ZNF512: variants seen among roughly 807,000 people sequenced by gnomAD.
ZNF512 encodes the protein zinc finger protein 512.
A neutral mutation model predicts 77.5 loss-of-function variants in ZNF512; 25 were observed. The observed-to-expected ratio is 0.32, with a 90% confidence interval of 0.23 to 0.45. The LOEUF (loss-of-function observed/expected upper bound fraction) is 0.45, where lower values mean the gene tolerates loss of function less well. Among genes scored for constraint, ZNF512 ranks in the 20% least tolerant of loss-of-function variants. ZNF512 has a pLI of 1.00. For missense variants in ZNF512, 483 were observed against 692.6 expected (o/e 0.70, Z 3.40); for synonymous variants, 246 against 239.9 (o/e 1.03, Z -0.24).
In ZNF512 at chr2:27,610,566, ATATTTTTTTTTTTTTTTT is replaced by A. The variant is rs1277002545; in HGVS notation, c.1131+2529_1131+2546del. 7.4e-4 allele frequency among the ~76,000 whole-genome samples: 20 copies of A among 27,014 alleles called. 2 individuals are homozygous for A. The South Asian group carries it at 0.014, about 19-fold the overall frequency. 17.7% of individuals were successfully genotyped at this position (27,014 alleles called of 152,430 possible). Reference sequence around the variant, plus strand: ...TGTGTATATATATATATATATATATATATTTTTTTTTTTTTTTTTTTTTTTTTTTTTTTTGAGACAGCG... The same window carrying A: ...TGTGTATATATATATATATATATATATTTTTTTTTTTTTTTTGAGACAGCG... On this transcript the variant is annotated intron_variant, in intron 10 of 13. Transcript: ENST00000355467.
intron 2 of ZNF512, 131 bp downstream of exon 2, chr2:27,583,847 G>C: frequency 1.9e-6 from 2 of 1,052,690 alleles, no homozygotes; most frequent in Non-Finnish European, 2.7e-6. Context: ...TGTGGATTTT[G>C]AGCAGTTGAA....
chr2:27,606,618 C>T (rs1672375232), intron 9 of ZNF512, among the ~76,000 whole-genome samples: 1 of 152,192 alleles, frequency 6.6e-6, no homozygotes, highest in African/African-American at 2.4e-5. Flanking sequence ...GCCTCAGCCT[C>T]CCAAAGTTCT....
intron 2 of ZNF512, among the ~76,000 whole-genome samples, chr2:27,593,195 TACACACACACACACACACACACAC>T (rs57568574): frequency 3.5e-4 from 39 of 112,076 alleles, no homozygotes; most frequent in Admixed American, 7.4e-4. Context: ...ACCCTGTCTC[TACACACACACACACACACACACAC>T]ACACACACAC....
rs764190354 is a variant in ZNF512, at chr2:27,621,145, C to T, written c.1396-8C>T. 2.8e-5 allele frequency: 44 copies of T among 1,597,954 alleles called. No homozygotes were observed. Among genetic ancestry groups the T allele is most frequent in the Non-Finnish European group, 3.7e-5 (43 of 1,173,666 alleles). On this transcript the variant is annotated splice_polypyrimidine_tract_variant and splice_region_variant and intron_variant, in intron 13 of 13. Transcript: ENST00000355467. ...CGACTGGATGACATTTCTATTTTGC[C>T]TCTCTAGGACTGGTTCGTTGTAAAC...
chr2:27,609,884 A>T (rs63273861), intron 10 of ZNF512, among the ~76,000 whole-genome samples: 1 of 145,266 alleles, frequency 6.9e-6, no homozygotes, highest in African/African-American at 2.6e-5. Flanking sequence ...AAAAAAAAAA[A>T]TTAGCCAGGT....
intron 2 of ZNF512, among the ~76,000 whole-genome samples, chr2:27,591,781 C>T (rs1671596192): frequency 6.6e-6 from 1 of 151,266 alleles, no homozygotes; most frequent in African/African-American, 2.4e-5. Context: ...GGGCTCAGTC[C>T]CCCTGCCTTG....
rs142032146 is a variant in ZNF512 at position 27,598,245 on chromosome 2, C to T, written c.268C>T (p.His90Tyr). ...AAGAATCAAGCCAGCTGCTACTTCT[C>T]ATGTCGAAGGTATCAATATCAGTGT... Reference protein sequence around the residue: ...MRRIKPAATSHVEGSGGVSAK... With the variant: ...MRRIKPAATSYVEGSGGVSAK... Residue 90 changes from histidine to tyrosine, a missense_variant, in exon 3 of 14, where the codon CAT becomes TAT. Around this residue, in one of 2 missense-constraint regions of ZNF512, gnomAD observed 159 missense variants for 167.5 expected, o/e 0.95. Transcript: ENST00000355467. 4 of 1,612,212 alleles carry T rather than the reference C, an allele frequency of 2.5e-6. No homozygotes were observed. The highest frequency in any genetic ancestry group is 3.4e-6 in the Non-Finnish European group (4 of 1,179,218).
chr2:27,583,440 C>G lies in ZNF512; in HGVS notation c.31-218C>G. The G allele has an allele frequency of 8.3e-6, 12 of 1,446,324 alleles. 1 individual carries two copies. The highest frequency in any genetic ancestry group is 9.9e-6 in the Non-Finnish European group (11 of 1,106,282). The allele number at this position is 1,446,324 out of a possible 1,614,324, so 89.6% of individuals were successfully genotyped here. ...CTCCCTTTTAGAGCCTGGGACAGGG[C>G]TTTGAGAATGGGGGAAGACGAAGGC... is the stretch of plus-strand genomic sequence containing the variant. On this transcript the variant is annotated intron_variant, in intron 1 of 13. Transcript: ENST00000355467.
At chr2:27,593,101 CTGTAA>C (rs1382935276) in intron 2 of ZNF512, among the ~76,000 whole-genome samples, 1 of 151,052 alleles carries the variant, frequency 6.6e-6, no homozygotes, top group African/African-American at 2.4e-5. Context: ...TGGCTCATGC[CTGTAA>C]TCCCAGCAGT....
At position 27,621,559 on chromosome 2, in the gene ZNF512, G is replaced by T. The variant is rs1673124469; in HGVS notation, c.*98G>T. On this transcript the variant is annotated 3_prime_UTR_variant, in exon 14 of 14. Transcript: ENST00000355467. ...TGAGTGAAGATTCTTTCAGCTGTTT[G>T]TGTAAGGCTGTGACTTTCTCAGCTC... 2 of 1,288,700 alleles carry T rather than the reference G, an allele frequency of 1.6e-6. No homozygotes were observed. The highest frequency in any genetic ancestry group is 3.1e-5 in the South Asian group (2 of 64,594). 79.8% of individuals were successfully genotyped at this position (1,288,700 alleles called of 1,614,324 possible).
chr2:27,614,753 C>T (rs1672810600), intron 10 of ZNF512, among the ~76,000 whole-genome samples: 1 of 150,854 alleles, frequency 6.6e-6, no homozygotes, highest in Admixed American at 6.6e-5. Flanking sequence ...ACCTTTTACT[C>T]ATCTACATTT....
intron 1 of ZNF512, chr2:27,583,377 C>T: frequency 7.3e-7 from 1 of 1,372,212 alleles, no homozygotes; most frequent in Non-Finnish European, 9.6e-7. Flanking sequence ...CCTTTTACAT[C>T]CCCAATGTCT....
In ZNF512 at chr2:27,600,737, T is replaced by C; in HGVS notation, c.504T>C (p.Ser168=). ...QWYLEIVDKG[S]VSCPTCQAVG... ...ACTTAGAAATCGTTGATAAAGGCAG[T>C]GTCTCCTGCCCTACCTGCCAGGCAG... The change falls in exon 6 of 14, where the codon AGT becomes AGC. Residue 168 remains serine (S), a synonymous_variant. Transcript: ENST00000355467. 6.2e-7 allele frequency: 1 copy of C among 1,614,048 alleles called. No individual in the cohort carries two copies. Among genetic ancestry groups the C allele is most frequent in the Non-Finnish European group, 8.5e-7 (1 of 1,179,916 alleles).
chr2:27,620,872 T>C (rs1188138725), intron 13 of ZNF512, among the ~76,000 whole-genome samples: 4 of 152,212 alleles, frequency 2.6e-5, no homozygotes, highest in African/African-American at 9.7e-5. Context: ...ATGAGATTTA[T>C]ACTCAGGAGA....
At chr2:27,612,682 A>G (rs772790929) in intron 10 of ZNF512, among the ~76,000 whole-genome samples, 2 of 152,234 alleles carry the variant, frequency 1.3e-5, no homozygotes, top group Non-Finnish European at 2.9e-5. Flanking sequence ...TTCTAGTAGT[A>G]TATAAAATAG....
At chr2:27,605,482 T>C (rs1672310466) in intron 9 of ZNF512, among the ~76,000 whole-genome samples, 1 of 151,738 alleles carries the variant, frequency 6.6e-6, no homozygotes, top group Non-Finnish European at 1.5e-5. Flanking sequence ...GATTGTTGTG[T>C]TTTGTTTTTT....
At chr2:27,583,472 A>G (rs1671201828) in intron 1 of ZNF512, 186 bp from the exon 2 acceptor site, 1 of 1,463,486 alleles carries the variant, frequency 6.8e-7, no homozygotes, top group East Asian at 2.5e-5. Context: ...AGGCTCTGGT[A>G]TTGTTACCCG....
Position 27,616,262 on chromosome 2 carries a change from G to A in ZNF512, c.1234G>A (p.Gly412Ser). ...KYHRIQCPNQ[G>S]CEAVYSSVSG... Reference sequence around the variant, plus strand: ...TCATACTATTTCTTCTCTTTTGCAGGGCTGTGAGGCTGTCTACAGCAGTGT... The same window carrying A: ...TCATACTATTTCTTCTCTTTTGCAGAGCTGTGAGGCTGTCTACAGCAGTGT... Residue 412 changes from glycine to serine, a missense_variant and splice_region_variant, in exon 12 of 14, where the codon GGC becomes AGC. Gly to Ser is a moderately conservative substitution (Grantham distance 56). Coordinates refer to ENST00000355467, the MANE Select transcript of ZNF512 (RefSeq NM_032434.4). 1 of 1,613,188 alleles carries A rather than the reference G, an allele frequency of 6.2e-7. No individual in the cohort carries two copies. The highest frequency in any genetic ancestry group is 8.5e-7 in the Non-Finnish European group (1 of 1,179,248).
At chr2:27,605,057 T>C (rs1233190705) in intron 9 of ZNF512, among the ~76,000 whole-genome samples, 3 of 152,214 alleles carry the variant, frequency 2.0e-5, no homozygotes, top group Non-Finnish European at 4.4e-5. Flanking sequence ...AGGATTTCAT[T>C]ATATGGATGT....
Sources: gnomAD v4.1 joint callset for allele counts (sites outside exome capture counted in the v4.1 genomes callset) on GRCh38, gnomAD v4.1.1 for gene constraint, gnomAD v4.1.1 regional missense constraint, MANE v1.5 for transcripts, NCBI Gene and HGNC (gene_info 2026-07-23, HGNC 2026-07-21) for gene names.